HSF2BP: variants seen among roughly 807,000 people sequenced by gnomAD.
HSF2BP encodes heat shock factor 2-binding protein.
A neutral mutation model predicts 35.0 loss-of-function variants in HSF2BP; 35 were observed. The ratio of observed to expected loss-of-function variants is 1.00; its 90% CI spans 0.76 to 1.32. HSF2BP has a LOEUF of 1.32. HSF2BP is among the 40% of genes most tolerant of loss of function. The pLI is 0.00. For missense variants in HSF2BP, 326 were observed against 321.7 expected, an observed-to-expected ratio of 1.01 and a Z score of -0.10; for synonymous variants, 114 against 117.4, an observed-to-expected ratio of 0.97 and a Z score of 0.18.
rs144783848 is a variant in HSF2BP, at chr21:43,657,155, G to T, written c.37-418C>A. 1.6e-3 allele frequency among the ~76,000 whole-genome samples: 244 copies of T among 152,310 alleles called. 3 individuals are homozygous for T. Among genetic ancestry groups the T allele is most frequent in the African/African-American group, 5.8e-3 (239 of 41,564 alleles). On this transcript the variant is annotated intron_variant, in intron 2 of 8. Coordinates refer to ENST00000291560, the MANE Select transcript of HSF2BP (RefSeq NM_007031.2). ...GGAGGCCGAGGCGGGTGGATCACCT[G>T]AGGTCAGGAGTTCAAGACCAGCCTG...
At chr21:43,606,850 A>G (rs1568907842) in intron 7 of HSF2BP, among the ~76,000 whole-genome samples, 2 of 152,194 alleles carry the variant, frequency 1.3e-5, no homozygotes, top group African/African-American at 4.8e-5. Flanking sequence ...AAAAATTCGC[A>G]TGAGATTGGA....
At chr21:43,641,176 T>C (rs996601604) in intron 4 of HSF2BP, among the ~76,000 whole-genome samples, 7 of 152,166 alleles carry the variant, frequency 4.6e-5, no homozygotes, top group African/African-American at 1.7e-4. Context: ...GTATTTTCTT[T>C]TTTTAGTAGA....
At chr21:43,594,901 G>C (rs1379871887) in intron 7 of HSF2BP, among the ~76,000 whole-genome samples, 1 of 152,164 alleles carries the variant, frequency 6.6e-6, no homozygotes, top group African/African-American at 2.4e-5. Context: ...ATTATAGATG[G>C]TTAGATTAAA....
intron 6 of HSF2BP, among the ~76,000 whole-genome samples, chr21:43,627,805 A>G (rs1323671022): frequency 6.6e-6 from 1 of 152,194 alleles, no homozygotes; most frequent in Non-Finnish European, 1.5e-5. Context: ...TACATTGAGC[A>G]AGTCTGTTGG....
chr21:43,592,890 G>A (rs1035058895), intron 7 of HSF2BP, among the ~76,000 whole-genome samples: 5 of 152,164 alleles, frequency 3.3e-5, no homozygotes, highest in East Asian at 1.9e-4. Context: ...GGATTGAACC[G>A]TGGCTGGCAA....
chr21:43,658,926 T>C (rs998077779), intron 1 of HSF2BP, among the ~76,000 whole-genome samples: 2 of 152,222 alleles, frequency 1.3e-5, no homozygotes, highest in Non-Finnish European at 2.9e-5. Context: ...GCCCGGGGGC[T>C]CCACAGTTAA....
chr21:43,597,078 T>C lies in HSF2BP; in HGVS notation c.693-4750A>G, dbSNP rs957382809. On this transcript the variant is annotated intron_variant, in intron 7 of 8. Coordinates refer to ENST00000291560, the MANE Select transcript of HSF2BP (RefSeq NM_007031.2). This position sits in a 1 kb window ranked among gnomAD's most constrained non-coding sequence, Gnocchi z 4.3. ...GGAAGAAGATACCTAGAAAGGAGGG[T>C]TTCAGAACAAGGGAGCACTAAAATG... Among the ~76,000 whole-genome samples the C allele has an allele frequency of 6.6e-6, 1 of 151,574 alleles. No individual in the cohort carries two copies. The highest frequency in any genetic ancestry group is 1.5e-5 in the Non-Finnish European group (1 of 67,908).
intron 8 of HSF2BP, among the ~76,000 whole-genome samples, chr21:43,585,777 C>G (rs1045318411): frequency 1.3e-5 from 2 of 152,190 alleles, no homozygotes; most frequent in Admixed American, 1.3e-4. Flanking sequence ...GTCAAGGAGT[C>G]AAGAATCACT....
At chr21:43,604,970 C>T (rs1484152689) in intron 7 of HSF2BP, among the ~76,000 whole-genome samples, 2 of 149,248 alleles carry the variant, frequency 1.3e-5, no homozygotes, top group Non-Finnish European at 3.0e-5. Context: ...ACACACTACA[C>T]ACCACACACA....
intron 4 of HSF2BP, among the ~76,000 whole-genome samples, chr21:43,642,950 G>A (rs567178405): frequency 1.2e-4 from 18 of 151,770 alleles, no homozygotes; most frequent in South Asian, 2.1e-4. Flanking sequence ...GACCGCAAGC[G>A]AACCGCCCAC....
chr21:43,608,190 T>G (rs4818850), intron 7 of HSF2BP, among the ~76,000 whole-genome samples: 92,495 of 151,916 alleles, frequency 0.61, 28,469 homozygotes, highest in East Asian at 0.79. Context: ...ATTCGCAAAC[T>G]ATGGATCCAA....
chr21:43,582,109 G>C (rs539913472), intron 8 of HSF2BP, among the ~76,000 whole-genome samples: 23 of 123,422 alleles, frequency 1.9e-4, no homozygotes, highest in Admixed American at 3.9e-4. Context: ...GGCCTGCTGT[G>C]GGGAATGAGG....
At chr21:43,581,633 A>G (rs2081733748) in intron 8 of HSF2BP, among the ~76,000 whole-genome samples, 1 of 152,172 alleles carries the variant, frequency 6.6e-6, no homozygotes, top group African/African-American at 2.4e-5. Context: ...GTCACATCCA[A>G]TAGTTTCACG....
chr21:43,592,480 T>C, intron 7 of HSF2BP, 152 bp from the exon 8 acceptor site: 5 of 570,220 alleles, frequency 8.8e-6, no homozygotes, highest in Non-Finnish European at 1.2e-5. Flanking sequence ...AACATCTGTC[T>C]ACGTGAGGCT....
chr21:43,635,915 C>T (rs370746909), intron 4 of HSF2BP, among the ~76,000 whole-genome samples: 7 of 119,844 alleles, frequency 5.8e-5, no homozygotes, highest in East Asian at 2.4e-4. Context: ...GGTGACAGAG[C>T]GAGACTCCAT....
chr21:43,499,799 TCACAC>T, the HSF2BP span, among the ~76,000 whole-genome samples: 3 of 123,496 alleles, frequency 2.4e-5, no homozygotes, highest in African/African-American at 8.2e-5. Context: ...CCACACACGC[TCACAC>T]CACACATGCA....
intron 8 of HSF2BP, among the ~76,000 whole-genome samples, chr21:43,572,989 C>T (rs1185036449): frequency 6.6e-6 from 1 of 152,206 alleles, no homozygotes; most frequent in Non-Finnish European, 1.5e-5. Flanking sequence ...TGAGAAGTTT[C>T]CCTTGTTCTA....
rs565977904 is a variant in HSF2BP at position 43,625,659 on chromosome 21, T to C, written c.574+4663A>G. Among the ~76,000 whole-genome samples, 33 of 152,318 alleles carry C rather than the reference T, an allele frequency of 2.2e-4. No homozygotes were observed. In the South Asian group the frequency reaches 2.7e-3, roughly 12 times the overall value. ...TTGAGAGCTAACCCATGGTCTCTAT[T>C]ACCTATCCCCACAGGATAGTCTTGG... On this transcript the variant is annotated intron_variant, in intron 6 of 8. Coordinates refer to ENST00000291560, the MANE Select transcript of HSF2BP (RefSeq NM_007031.2).
the HSF2BP span, among the ~76,000 whole-genome samples, chr21:43,475,685 T>C: frequency 3.6e-4 from 1 of 2,760 alleles, no homozygotes; most frequent in Non-Finnish European, 5.7e-4. Flanking sequence ...ACCCCCTCTC[T>C]ACTAAAATTA....
Sources: gnomAD v4.1 joint callset for allele counts (sites outside exome capture counted in the v4.1 genomes callset) on GRCh38, gnomAD v4.1.1 for gene constraint, Gnocchi (gnomAD v3.1) non-coding constraint, MANE v1.5 for transcripts, NCBI Gene and HGNC (gene_info 2026-07-23, HGNC 2026-07-21) for gene names.